The following CACNA1S variants were observed in gnomAD, a reference collection of about 807,000 sequenced individuals.
The protein encoded by CACNA1S is calcium voltage-gated channel subunit alpha1 S, also known as voltage-dependent L-type calcium channel subunit alpha-1S.
In CACNA1S, 126 loss-of-function variants were observed where a neutral mutation model predicts 207.4. That is an observed-to-expected ratio of 0.61 (90% CI 0.53 to 0.70). CACNA1S has a LOEUF of 0.70. Ranked by LOEUF, CACNA1S falls within the 30% of genes least tolerant of loss-of-function variation. The pLI is 0.00. For missense variants in CACNA1S, 2,349 were observed against 2,422.8 expected (o/e 0.97, Z 0.64); for synonymous variants, 960 against 932.7 (o/e 1.03, Z -0.53).
At chr1:201,101,226 T>C (rs548992027) in intron 2 of CACNA1S, among the ~76,000 whole-genome samples, 1 of 152,308 alleles carries the variant, frequency 6.6e-6, no homozygotes, top group East Asian at 1.9e-4. Context: ...TGGCTGAAGG[T>C]GGAGAGGCTG....
In CACNA1S at chr1:201,087,909, A is replaced by G. The variant is rs759473845; in HGVS notation, c.921T>C (p.Asn307=). 1 of 1,612,950 alleles carries G rather than the reference A, an allele frequency of 6.2e-7. No individual in the cohort carries two copies. ...TGACAAAATAGATCCAGGGCCACTC[A>G]TTCCCGATGGCATCATTGACCTGGT... ...VLYWVNDAIG[N]EWPWIYFVTL... The change falls in exon 7 of 44, where the codon AAT becomes AAC. Residue 307 remains asparagine, a synonymous_variant. Coordinates refer to ENST00000362061, the MANE Select transcript of CACNA1S (RefSeq NM_000069.3).
intron 10 of CACNA1S, among the ~76,000 whole-genome samples, chr1:201,082,909 G>A (rs916100876): frequency 1.3e-5 from 2 of 152,180 alleles, no homozygotes; most frequent in African/African-American, 2.4e-5. Flanking sequence ...TGCTTTTACT[G>A]ACCTTGGTAA....
chr1:201,071,164 TCCCTC>T (rs2102133708), intron 16 of CACNA1S, among the ~76,000 whole-genome samples: 1 of 152,008 alleles, frequency 6.6e-6, no homozygotes, highest in African/African-American at 2.4e-5. Flanking sequence ...TTCTCTTGGT[TCCCTC>T]CCCTGACAGC....
Position 201,054,964 on chromosome 1 carries a change from T to C in CACNA1S, c.3610-403A>G, listed in dbSNP as rs930237574. Among the ~76,000 whole-genome samples the C allele has an allele frequency of 3.9e-5, 6 of 152,316 alleles. No homozygotes were observed. In the East Asian group the frequency reaches 1.2e-3, roughly 29 times the overall value. On this transcript the variant is annotated intron_variant, in intron 28 of 43. Coordinates refer to ENST00000362061, the MANE Select transcript of CACNA1S (RefSeq NM_000069.3). ...CTCATTGTAAATGGATTCACATCCA[T>C]AGTGCCCTGAGGCCAGGGTCCGGGC...
At chr1:201,080,270 T>C (rs946872021) in intron 10 of CACNA1S, among the ~76,000 whole-genome samples, 7 of 152,176 alleles carry the variant, frequency 4.6e-5, no homozygotes, top group Non-Finnish European at 8.8e-5. Context: ...AGCTCAGGGA[T>C]ACTGCTCATC....
chr1:201,041,726 C>A, intron 40 of CACNA1S, 137 bp from the exon 41 acceptor site: 1 of 721,262 alleles, frequency 1.4e-6, no homozygotes, highest in Non-Finnish European at 2.5e-6. Flanking sequence ...GACTCTAGGG[C>A]TGACGTTTCC....
chr1:201,070,301 G>T lies in CACNA1S; in HGVS notation c.2331C>A (p.Ser777Arg). 6.2e-7 allele frequency: 1 copy of T among 1,614,082 alleles called. No homozygotes were observed. Among genetic ancestry groups the T allele is most frequent in the South Asian group, 1.1e-5 (1 of 91,082 alleles). ...KEKAVPIPEA[S>R]SFFIFSPTNK... ...TGGTGGGGCTGAAGATGAAGAAGGA[G>T]CTGGCTTCTGGAATGGGCACGGCCT... The change falls in exon 17 of 44, where the codon AGC becomes AGA. Residue 777 changes from serine to arginine, a missense_variant. By Grantham distance (110) the Ser-to-Arg change is moderately radical. Transcript: ENST00000362061.
At chr1:201,075,126 A>G (rs1661559999) in intron 13 of CACNA1S, among the ~76,000 whole-genome samples, 2 of 152,066 alleles carry the variant, frequency 1.3e-5, no homozygotes, top group South Asian at 4.1e-4. Flanking sequence ...CATCCCGGCC[A>G]CAGGGTCCTG....
At position 201,059,260 on chromosome 1, in the gene CACNA1S, T is replaced by C. The variant is rs142286187; in HGVS notation, c.3454A>G (p.Ile1152Val). Residue 1152 changes from isoleucine (I) to valine (V), a missense_variant, in exon 27 of 44, where the codon ATC (isoleucine) becomes GTC (valine). Coordinates refer to ENST00000362061, the MANE Select transcript of CACNA1S (RefSeq NM_000069.3). ...ATGATAGTGAAGGCCACATTGAGGA[T>C]GTCTGAGATGTGGTTCATCTGCTCC... The part of the protein sequence containing the change: ...QSEQMNHISD[I>V]LNVAFTIIFT... The C allele has an allele frequency of 4.0e-5, 65 of 1,613,866 alleles. No homozygotes were observed. Among genetic ancestry groups the C allele is most frequent in the African/African-American group, 8.0e-5 (6 of 74,924 alleles).
At position 201,066,988 on chromosome 1, in the gene CACNA1S, C is replaced by G; in HGVS notation, c.2556G>C (p.Thr852=). The G allele has an allele frequency of 6.2e-7, 1 of 1,612,574 alleles. No individual in the cohort carries two copies. Among genetic ancestry groups the G allele is most frequent in the Non-Finnish European group, 8.5e-7 (1 of 1,178,668 alleles). ...VFTVEIVLKM[T]TYGAFLHKGS... is the part of the protein sequence containing the mutation. ...CCTTGTGCAGGAAGGCTCCGTAGGT[C>G]GTCATCTGGGGAGAAAGAGGCAGCA... is the stretch of plus-strand genomic sequence containing the variant. Residue 852 remains threonine, a synonymous_variant, in exon 20 of 44, where the codon ACG becomes ACC. Coordinates refer to ENST00000362061, the MANE Select transcript of CACNA1S (RefSeq NM_000069.3). The surrounding 1 kb of genome is among the most constrained non-coding windows in gnomAD (Gnocchi z 4.3).
chr1:201,059,972 T>C (rs1006140072), intron 26 of CACNA1S, among the ~76,000 whole-genome samples: 1 of 152,248 alleles, frequency 6.6e-6, no homozygotes, highest in Non-Finnish European at 1.5e-5. Flanking sequence ...GCCTCCACCC[T>C]GCCCTGCCTT....
At chr1:201,041,727 T>C in intron 40 of CACNA1S, 138 bp from the exon 41 acceptor site, 1 of 721,348 alleles carries the variant, frequency 1.4e-6, no homozygotes, top group Non-Finnish European at 2.5e-6. Flanking sequence ...ACTCTAGGGC[T>C]GACGTTTCCA....
chr1:201,060,885 T>C lies in CACNA1S; in HGVS notation c.3256-69A>G, dbSNP rs934124276. 10 of 1,593,464 alleles carry C rather than the reference T, an allele frequency of 6.3e-6. No individual in the cohort carries two copies. In the African/African-American group the frequency reaches 8.1e-5, roughly 13 times the overall value. On this transcript the variant is annotated intron_variant, in intron 25 of 43. Transcript: ENST00000362061. ...CCCTCCCTCTCCACACCCACATCCA[T>C]GGGATTGACGGGCAAGTCAGGAGCA...
At chr1:201,041,946 T>C in intron 40 of CACNA1S, 1 of 378,344 alleles carries the variant, frequency 2.6e-6, no homozygotes, top group Non-Finnish European at 5.1e-6. Context: ...GAGTGGTGGC[T>C]GAGTCCCACA....
chr1:201,069,523 G>C lies in CACNA1S; in HGVS notation c.2439C>G (p.Ser813Arg). The C allele has an allele frequency of 6.3e-7, 1 of 1,593,074 alleles. No homozygotes were observed. The highest frequency in any genetic ancestry group is 8.5e-7 in the Non-Finnish European group (1 of 1,171,216). ...NFILLFILLS[S>R]AALAAEDPIR... Reference sequence around the variant, plus strand: ...TGGGGTCTTCCGCAGCCAGTGCAGCGCTGCTGAGCAGGATGAAGAGCAGGA... The same window carrying C: ...TGGGGTCTTCCGCAGCCAGTGCAGCCCTGCTGAGCAGGATGAAGAGCAGGA... Residue 813 changes from serine (S) to arginine (R), a missense_variant, in exon 18 of 44, where the codon AGC becomes AGG. Ser to Arg is a moderately radical substitution (Grantham distance 110, BLOSUM62 -1). Transcript: ENST00000362061.
Position 201,108,455 on chromosome 1 carries a change from G to C in CACNA1S, c.258+1709C>G, listed in dbSNP as rs1219458880. 3.3e-5 allele frequency among the ~76,000 whole-genome samples: 5 copies of C among 152,278 alleles called. No individual in the cohort carries two copies. In the East Asian group the frequency reaches 7.7e-4, roughly 23 times the overall value. ...GGGGCAGAGTTTTTTTACAAAAGTA[G>C]TCAATGTCACAGGGAACTGAGGCCC... On this transcript the variant is annotated intron_variant, in intron 2 of 43. Coordinates refer to ENST00000362061, the MANE Select transcript of CACNA1S (RefSeq NM_000069.3).
chr1:201,043,451 T>C lies in CACNA1S; in HGVS notation c.4878A>G (p.Arg1626=). The part of the protein sequence containing the change: ...NSLPPVMANQ[R]PLQFAEIEME... ...TCTCTATCTCAGCAAACTGGAGGGG[T>C]CTCTGATTGGCCATGACGGGGGGCA... The change falls in exon 40 of 44, where the codon AGA becomes AGG. Residue 1626 remains arginine, a synonymous_variant. Transcript: ENST00000362061. The C allele has an allele frequency of 6.2e-7, 1 of 1,613,908 alleles. No individual in the cohort carries two copies. Among genetic ancestry groups the C allele is most frequent in the Non-Finnish European group, 8.5e-7 (1 of 1,179,990 alleles).
chr1:201,061,471 G>A lies in CACNA1S; in HGVS notation c.3054-3C>T. ...AGTCTATGGCCTTGTACAGCAGCCT[G>A]GGGGTGGGCAGAGAAGAGAGGACAG... On this transcript the variant is annotated splice_region_variant and splice_polypyrimidine_tract_variant and intron_variant, in intron 24 of 43. Coordinates refer to ENST00000362061, the MANE Select transcript of CACNA1S (RefSeq NM_000069.3). 6.2e-7 allele frequency: 1 copy of A among 1,613,248 alleles called. No homozygotes were observed. The highest frequency in any genetic ancestry group is 8.5e-7 in the Non-Finnish European group (1 of 1,179,266).
chr1:201,107,461 C>T (rs746046143), intron 2 of CACNA1S, among the ~76,000 whole-genome samples: 8 of 152,214 alleles, frequency 5.3e-5, no homozygotes, highest in Non-Finnish European at 8.8e-5. Flanking sequence ...CTTGTTTAAT[C>T]CATGTAATGA....
Sources: gnomAD v4.1 joint callset for allele counts (sites outside exome capture counted in the v4.1 genomes callset) on GRCh38, gnomAD v4.1.1 for gene constraint, Gnocchi (gnomAD v3.1) non-coding constraint, MANE v1.5 for transcripts, NCBI Gene and HGNC (gene_info 2026-07-23, HGNC 2026-07-21) for gene names.